RPP30: variants seen among roughly 807,000 people sequenced by gnomAD.
RPP30 encodes ribonuclease P protein subunit p30.
A neutral mutation model predicts 38.6 loss-of-function variants in RPP30; 36 were observed. The ratio of observed to expected loss-of-function variants is 0.93; its 90% confidence interval spans 0.71 to 1.23. The LOEUF is 1.23. Among genes scored for constraint, RPP30 ranks in the 50% most tolerant of loss-of-function variants. The pLI, the probability that RPP30 is intolerant of heterozygous loss-of-function variation, is 0.00. For synonymous variants in RPP30, 126 were observed against 112.7 expected (o/e 1.12, Z -0.75); for missense variants, 321 against 321.7 (o/e 1.00, Z 0.02).
At position 90,894,681 on chromosome 10, in the gene RPP30, T is replaced by G; in HGVS notation, c.433-94T>G. ...ACCTTGACATGTAAGGGGTCAGTAG[T>G]AGGGAGTGAGGAGGGATGTGAAGAG... On this transcript the variant is annotated intron_variant, in intron 6 of 10. Coordinates refer to ENST00000371703, the MANE Select transcript of RPP30 (RefSeq NM_006413.5). 3.5e-6 allele frequency: 3 copies of G among 863,856 alleles called. No individual in the cohort carries two copies. The South Asian group carries it at 4.1e-5, about 12-fold the overall frequency. 53.5% of individuals were successfully genotyped at this position (863,856 alleles called of 1,614,324 possible). A position where few individuals can be genotyped will look rare whatever the true frequency, so the allele number is the denominator to read the frequency against.
chr10:90,890,181 T>G (rs933883431), intron 6 of RPP30, among the ~76,000 whole-genome samples: 15 of 152,228 alleles, frequency 9.9e-5, no homozygotes, highest in Non-Finnish European at 2.1e-4. Flanking sequence ...TATTTCCTAC[T>G]GGGAAATGCT....
At chr10:90,882,748 G>T (rs1332846780) in intron 5 of RPP30, among the ~76,000 whole-genome samples, 1 of 152,210 alleles carries the variant, frequency 6.6e-6, no homozygotes, top group Non-Finnish European at 1.5e-5. Context: ...ATGACCACTT[G>T]AGGCCAGGAG....
In RPP30 at chr10:90,895,483, G is replaced by A; in HGVS notation, c.579G>A (p.Arg193=). Residue 193 remains arginine (R), a splice_region_variant and synonymous_variant, in exon 8 of 11, where the codon AGG becomes AGA. Coordinates refer to ENST00000371703, the MANE Select transcript of RPP30 (RefSeq NM_006413.5). ...KNVIISSAAE[R]PLEIRGPYDV... ...TAATTATATCTAGTGCTGCAGAAAG[G>A]GTAAGTCTAGCATGAAGTACTTTGT... The A allele has an allele frequency of 7.1e-7, 1 of 1,401,124 alleles. No homozygotes were observed. The highest frequency in any genetic ancestry group is 2.8e-5 in the Admixed American group (1 of 36,306). 86.8% of individuals were successfully genotyped at this position (1,401,124 alleles called of 1,614,324 possible).
chr10:90,880,907 T>C (rs1176185348), intron 5 of RPP30, among the ~76,000 whole-genome samples: 1 of 152,184 alleles, frequency 6.6e-6, no homozygotes, highest in African/African-American at 2.4e-5. Context: ...GGGTATCTGT[T>C]TTTTCATGTT....
At chr10:90,894,143 G>A (rs1298270170) in intron 6 of RPP30, among the ~76,000 whole-genome samples, 1 of 152,200 alleles carries the variant, frequency 6.6e-6, no homozygotes, top group Non-Finnish European at 1.5e-5. Flanking sequence ...AAAGAAAAAG[G>A]AGAGGACAGA....
In RPP30 at chr10:90,885,843, TC is replaced by T; in HGVS notation, c.375del (p.Cys126AlafsTer2). ...TGCACACATTTAGATGTGGATTTAG[TC>T]TGCATAACTGTAACAGAGAAACTAC... is the stretch of plus-strand genomic sequence containing the variant. Reference protein sequence around the residue: ...IACTHLDVDLVCITVTEKLPF... With the variant: ...IACTHLDVDLXCITVTEKLPF... On this transcript the variant is annotated frameshift_variant, in exon 6 of 11. Coordinates refer to ENST00000371703, the MANE Select transcript of RPP30 (RefSeq NM_006413.5). LOFTEE classifies it high-confidence loss of function. 3 of 1,611,792 alleles carry T rather than the reference TC, an allele frequency of 1.9e-6. No individual in the cohort carries two copies. The highest frequency in any genetic ancestry group is 2.5e-6 in the Non-Finnish European group (3 of 1,179,086).
At chr10:90,903,403 T>C (rs1434877201), downstream of RPP30, 3 of 597,758 alleles carry the variant, frequency 5.0e-6, no homozygotes, top group Non-Finnish European at 9.0e-6. Context: ...TTGCACCAGA[T>C]ACAGTAAGAT....
intron 6 of RPP30, among the ~76,000 whole-genome samples, chr10:90,890,574 A>G (rs1847068699): frequency 6.6e-6 from 1 of 152,128 alleles, no homozygotes; most frequent in Non-Finnish European, 1.5e-5. Flanking sequence ...CTTGATTTGG[A>G]TGTGAGTGTT....
intron 4 of RPP30, among the ~76,000 whole-genome samples, chr10:90,877,115 C>G (rs918222251): frequency 2.0e-5 from 3 of 152,226 alleles, no homozygotes; most frequent in Middle Eastern, 3.4e-3. Flanking sequence ...AGTTCAAGAC[C>G]AGCCTGGTGA....
At chr10:90,890,832 G>A (rs1268830960) in intron 6 of RPP30, among the ~76,000 whole-genome samples, 1 of 150,504 alleles carries the variant, frequency 6.6e-6, no homozygotes, top group Admixed American at 6.6e-5. Context: ...AAAAAAAGAT[G>A]AACAATACCA....
At chr10:90,895,627 G>A in intron 8 of RPP30, 144 bp downstream of exon 8, 1 of 542,564 alleles carries the variant, frequency 1.8e-6, no homozygotes, top group African/African-American at 2.0e-5. Flanking sequence ...TTGCTAAATA[G>A]TAAAATTTAT....
intron 4 of RPP30, among the ~76,000 whole-genome samples, chr10:90,878,081 A>G (rs1451882511): frequency 6.6e-6 from 1 of 152,172 alleles, no homozygotes. Flanking sequence ...GACTTTTGAT[A>G]GGTTGTAAAG....
rs754898794 is a variant in RPP30 at position 90,900,631 on chromosome 10, A to G, written c.759A>G (p.Gly253=). The G allele has an allele frequency of 1.7e-5, 27 of 1,613,778 alleles. No individual in the cohort carries two copies. The highest frequency in any genetic ancestry group is 2.2e-5 in the Non-Finnish European group (26 of 1,179,822). The change falls in exon 11 of 11, where the codon GGA becomes GGG. Residue 253 remains glycine (G), a synonymous_variant. Coordinates refer to ENST00000371703, the MANE Select transcript of RPP30 (RefSeq NM_006413.5). ...TGAAGAAACCTCGGCCATCAGAAGG[A>G]GATGAAGATTGTCTTCCAGCTTCCA... ...STVKKPRPSE[G]DEDCLPASKK... is the part of the protein sequence containing the mutation.
At chr10:90,899,915 G>T (rs1847182257) in intron 10 of RPP30, among the ~76,000 whole-genome samples, 1 of 152,158 alleles carries the variant, frequency 6.6e-6, no homozygotes, top group Admixed American at 6.5e-5. Context: ...TAGGTTTCTA[G>T]GAAAAATTGG....
chr10:90,885,896 A>G lies in RPP30; in HGVS notation c.427A>G (p.Asn143Asp). Residue 143 changes from asparagine (N) to aspartate (D), a missense_variant, in exon 6 of 11, where the codon AAT (asparagine) becomes GAT (aspartate). Transcript: ENST00000371703. ...LPFYFKRPPI[N>D]VAIDRGLAFE... The stretch of plus-strand genomic sequence containing the variant: ...ATTTTACTTCAAAAGACCTCCTATT[A>G]ATGTGGTAAGTGTACTTTCCATTCT... 6.3e-7 allele frequency: 1 copy of G among 1,583,544 alleles called. No homozygotes were observed. The highest frequency in any genetic ancestry group is 8.7e-7 in the Non-Finnish European group (1 of 1,155,040).
downstream of RPP30, among the ~76,000 whole-genome samples, chr10:90,903,471 C>T (rs1322141647): frequency 1.3e-5 from 2 of 152,090 alleles, no homozygotes; most frequent in African/African-American, 4.8e-5. Flanking sequence ...TTGGAAAACT[C>T]GTGAAATAAA....
downstream of RPP30, chr10:90,903,200 A>C (rs752925670): frequency 6.3e-7 from 1 of 1,591,996 alleles, no homozygotes. Flanking sequence ...AGGAACTAGA[A>C]TTCAACAAAG....
downstream of RPP30, chr10:90,903,349 G>C: frequency 1.1e-6 from 1 of 894,936 alleles, no homozygotes. Context: ...AATTTTTTGC[G>C]ACGTCCCACC....
intron 4 of RPP30, among the ~76,000 whole-genome samples, chr10:90,878,817 A>C (rs1394828326): frequency 6.6e-6 from 1 of 152,214 alleles, no homozygotes; most frequent in Non-Finnish European, 1.5e-5. Context: ...CATCTCAGAC[A>C]CAATGTTTGG....
Sources: allele counts gnomAD v4.1 joint callset (sites outside exome capture counted in the v4.1 genomes callset), GRCh38; gene constraint gnomAD v4.1.1; transcripts MANE v1.5; gene names NCBI Gene and HGNC (gene_info 2026-07-23, HGNC 2026-07-21).